The following MEIKIN variants were observed in gnomAD, a reference collection of about 807,000 sequenced individuals.
The protein encoded by MEIKIN is meiosis-specific kinetochore protein.
intron 4 of MEIKIN, among the ~76,000 whole-genome samples, chr5:131,934,917 G>A (rs879808168): frequency 2.0e-5 from 3 of 152,054 alleles, no homozygotes; most frequent in South Asian, 2.1e-4. Flanking sequence ...TTAGCTGGGC[G>A]TGGCAACATG....
At chr5:131,856,349 TCAAA>T (rs1750192828) in intron 9 of MEIKIN, among the ~76,000 whole-genome samples, 1 of 152,116 alleles carries the variant, frequency 6.6e-6, no homozygotes, top group Non-Finnish European at 1.5e-5. Context: ...TCACATTTCT[TCAAA>T]CAAAGAACCA....
intron 9 of MEIKIN, among the ~76,000 whole-genome samples, chr5:131,875,695 T>C (rs958981636): frequency 1.1e-4 from 17 of 152,190 alleles, no homozygotes; most frequent in Non-Finnish European, 1.8e-4. Flanking sequence ...AAGTCAATCT[T>C]AAGCCAAAAG....
At chr5:131,903,936 GA>G (rs370584486) in intron 8 of MEIKIN, among the ~76,000 whole-genome samples, 2 of 142,082 alleles carry the variant, frequency 1.4e-5, no homozygotes, top group South Asian at 2.2e-4. Flanking sequence ...GTAAAGGGAT[GA>G]AAAAAAAATC....
intron 11 of MEIKIN, among the ~76,000 whole-genome samples, chr5:131,833,731 C>T (rs1185293923): frequency 6.6e-6 from 1 of 152,176 alleles, no homozygotes; most frequent in East Asian, 1.9e-4. Context: ...TCAATTACCT[C>T]CCAATGGGTC....
chr5:131,879,212 T>A (rs1750664223), intron 8 of MEIKIN, among the ~76,000 whole-genome samples, 164 bp from the exon 9 acceptor site: 1 of 152,192 alleles, frequency 6.6e-6, no homozygotes, highest in Non-Finnish European at 1.5e-5. Context: ...AAAATTAATG[T>A]ATGTTGAATA....
intron 11 of MEIKIN, among the ~76,000 whole-genome samples, chr5:131,840,530 GT>G (rs1749887445): frequency 6.6e-6 from 1 of 152,060 alleles, no homozygotes; most frequent in African/African-American, 2.4e-5. Context: ...TTTCTTGGAG[GT>G]TTTGTTCATT....
chr5:131,910,546 AT>A (rs1352846949), intron 8 of MEIKIN, among the ~76,000 whole-genome samples: 2 of 152,118 alleles, frequency 1.3e-5, no homozygotes, highest in Non-Finnish European at 2.9e-5. Context: ...GTAGTAAAAA[AT>A]AATTTAATTA....
chr5:131,922,205 T>G (rs1751517014), intron 5 of MEIKIN, among the ~76,000 whole-genome samples: 2 of 152,240 alleles, frequency 1.3e-5, no homozygotes, highest in Admixed American at 6.5e-5. Flanking sequence ...AGCACACATG[T>G]GAGCTGCCTG....
chr5:131,932,279 C>A (rs1028211983), intron 5 of MEIKIN, among the ~76,000 whole-genome samples: 2 of 152,166 alleles, frequency 1.3e-5, no homozygotes, highest in Non-Finnish European at 2.9e-5. Flanking sequence ...CACAAAATCT[C>A]AGTGGCACAA....
intron 8 of MEIKIN, among the ~76,000 whole-genome samples, chr5:131,885,482 C>T (rs567538402): frequency 2.3e-4 from 34 of 150,866 alleles, no homozygotes; most frequent in Non-Finnish European, 4.1e-4. Flanking sequence ...GAGTCTCTGC[C>T]TGGTAATCCA....
At chr5:131,906,147 A>T (rs1751239168) in intron 8 of MEIKIN, among the ~76,000 whole-genome samples, 1 of 152,232 alleles carries the variant, frequency 6.6e-6, no homozygotes, top group Non-Finnish European at 1.5e-5. Flanking sequence ...TAATATCAGA[A>T]TCTATAAGGA....
At chr5:131,815,665 A>G (rs1284026960) in intron 12 of MEIKIN, among the ~76,000 whole-genome samples, 1 of 152,142 alleles carries the variant, frequency 6.6e-6, no homozygotes, top group South Asian at 2.1e-4. Context: ...CTGAACTACT[A>G]CTCCACAATG....
At chr5:131,852,095 A>C (rs1750124300) in intron 10 of MEIKIN, among the ~76,000 whole-genome samples, 3 of 152,188 alleles carry the variant, frequency 2.0e-5, no homozygotes, top group Non-Finnish European at 4.4e-5. Flanking sequence ...TATATAATGG[A>C]GTATAATTCA....
At chr5:131,827,564 G>T (rs1041157699) in intron 11 of MEIKIN, among the ~76,000 whole-genome samples, 5 of 151,856 alleles carry the variant, frequency 3.3e-5, no homozygotes, top group African/African-American at 9.7e-5. Context: ...AAGAAAAGTG[G>T]GATAACTATA....
intron 9 of MEIKIN, among the ~76,000 whole-genome samples, chr5:131,856,197 TGAA>T (rs1355851785): frequency 1.3e-5 from 2 of 152,224 alleles, no homozygotes; most frequent in Non-Finnish European, 2.9e-5. Context: ...ATTTCAACAA[TGAA>T]GGTTATTCTA....
At chr5:131,895,699 A>G (rs1197023111) in intron 8 of MEIKIN, among the ~76,000 whole-genome samples, 2 of 152,000 alleles carry the variant, frequency 1.3e-5, no homozygotes, top group Non-Finnish European at 2.9e-5. Context: ...TTATTTTCTG[A>G]TAGTAGTTTG....
At position 131,943,527 on chromosome 5, in the gene MEIKIN, A is replaced by G. The variant is rs538869716; in HGVS notation, c.289-832T>C. Among the ~76,000 whole-genome samples the G allele has an allele frequency of 2.4e-4, 37 of 152,338 alleles. No homozygotes were observed. In the South Asian group the frequency reaches 7.0e-3, roughly 29 times the overall value. ...GAAATAGTAATACAAATTACAGTGT[A>G]TCTATCTACAAGACAAAGCACTATG... On this transcript the variant is annotated intron_variant, in intron 3 of 12. Coordinates refer to ENST00000442687, the MANE Select transcript of MEIKIN (RefSeq NM_001303622.2).
At chr5:131,840,690 T>C (rs1055846955) in intron 11 of MEIKIN, among the ~76,000 whole-genome samples, 2 of 152,254 alleles carry the variant, frequency 1.3e-5, no homozygotes, top group Non-Finnish European at 2.9e-5. Context: ...TGTTTCTCAG[T>C]TCTATCAGGT....
chr5:131,813,424 A>G (rs1456716845), intron 12 of MEIKIN, among the ~76,000 whole-genome samples: 3 of 127,934 alleles, frequency 2.3e-5, no homozygotes, highest in Non-Finnish European at 3.4e-5. Context: ...ATATTTAACT[A>G]TATTCTTTTT....
Sources: allele counts gnomAD v4.1 joint callset (sites outside exome capture counted in the v4.1 genomes callset), GRCh38; gene constraint gnomAD v4.1.1; transcripts MANE v1.5; gene names NCBI Gene and HGNC (gene_info 2026-07-23, HGNC 2026-07-21).